The following DCAF17 variants were observed in gnomAD, a reference collection of about 807,000 sequenced individuals.
DCAF17 encodes the protein DDB1- and CUL4-associated factor 17.
DCAF17 carries 48 observed loss-of-function variants against 66.0 expected under a neutral mutation model. The ratio of observed to expected loss-of-function variants is 0.73; its 90% CI spans 0.58 to 0.92. The LOEUF is 0.92. Among genes scored for constraint, DCAF17 ranks in the 40% least tolerant of loss-of-function variants. The probability of loss-of-function intolerance (pLI) is 0.00; values close to 1 mark genes in which losing one functional copy is unlikely to be tolerated. For missense variants in DCAF17, 562 were observed against 622.8 expected (o/e 0.90, Z 1.04); for synonymous variants, 206 against 214.6 (o/e 0.96, Z 0.35).
chr2:171,444,241 G>A (rs60601337), intron 3 of DCAF17, among the ~76,000 whole-genome samples: 1,985 of 152,056 alleles, frequency 0.013, 53 homozygotes, highest in African/African-American at 0.046. Context: ...ATACTAATAG[G>A]TATGATGATT....
rs1230873490 is a variant in DCAF17 at position 171,481,926 on chromosome 2, T to C, written c.*812T>C. On this transcript the variant is annotated 3_prime_UTR_variant, in exon 14 of 14. Transcript: ENST00000375255. ...CTTGTTTAGGCAATATTTGCATACT[T>C]ATGCAATAAGATAAAGGTACCCTTG... 1 of 454,070 alleles carries C rather than the reference T, an allele frequency of 2.2e-6. No individual in the cohort carries two copies. Among genetic ancestry groups the C allele is most frequent in the South Asian group, 1.6e-5 (1 of 64,468 alleles). 28.1% of individuals were successfully genotyped at this position (454,070 alleles called of 1,614,324 possible).
At chr2:171,441,598 C>T (rs1316327882) in intron 2 of DCAF17, among the ~76,000 whole-genome samples, 1 of 152,152 alleles carries the variant, frequency 6.6e-6, no homozygotes, top group Non-Finnish European at 1.5e-5. Flanking sequence ...TCCCACCCCT[C>T]CTAGGAAGAT....
intron 5 of DCAF17, among the ~76,000 whole-genome samples, chr2:171,452,311 T>C (rs1453369086): frequency 6.6e-6 from 1 of 152,044 alleles, no homozygotes; most frequent in African/African-American, 2.4e-5. Flanking sequence ...TACAAGAGAT[T>C]GTTTTACATT....
Position 171,434,638 on chromosome 2 carries a change from T to G in DCAF17, c.61T>G (p.Phe21Val), listed in dbSNP as rs907053017. 6.5e-6 allele frequency: 10 copies of G among 1,534,094 alleles called. No individual in the cohort carries two copies. The African/African-American group carries it at 1.3e-4, about 19-fold the overall frequency. Residue 21 changes from phenylalanine (F) to valine (V), a missense_variant, in exon 1 of 14, where the codon TTC becomes GTC. Phe to Val is a conservative substitution (Grantham distance 50). This residue lies in a region of DCAF17 where 348 missense variants were observed against 355.9 expected (regional missense o/e 0.98). Transcript: ENST00000375255. ...SRLSRRALGC[F>V]SRDAGVVQRT... is the part of the protein sequence containing the mutation. ...GCTGAGTCGCCGGGCGCTGGGCTGC[T>G]TCTCGCGCGACGCAGGCGTGGTGCA... is the stretch of plus-strand genomic sequence containing the variant.
Position 171,472,146 on chromosome 2 carries a change from A to G in DCAF17, c.982-1720A>G, listed in dbSNP as rs1230577258. 1.1e-4 allele frequency among the ~76,000 whole-genome samples: 16 copies of G among 152,222 alleles called. No homozygotes were observed. The East Asian group carries it at 3.1e-3, about 29-fold the overall frequency. On this transcript the variant is annotated intron_variant, in intron 9 of 13. Coordinates refer to ENST00000375255, the MANE Select transcript of DCAF17 (RefSeq NM_025000.4). Reference sequence around the variant, plus strand: ...ACCTCCTACTCATGTTTATATGCATACTATATGGATTAGCACGTCTATACT... The same window carrying G: ...ACCTCCTACTCATGTTTATATGCATGCTATATGGATTAGCACGTCTATACT...
chr2:171,453,493 T>C (rs1367590490), intron 6 of DCAF17, among the ~76,000 whole-genome samples: 2 of 152,126 alleles, frequency 1.3e-5, no homozygotes, highest in African/African-American at 4.8e-5. Flanking sequence ...GTTTTTTTTT[T>C]CCAGAAGGAA....
intron 9 of DCAF17, chr2:171,473,004 T>G (rs1017044426): frequency 5.1e-6 from 1 of 196,712 alleles, no homozygotes; most frequent in Non-Finnish European, 1.2e-5. Context: ...GGTTTTTTTC[T>G]TTATTTTAAT....
rs34238683 is a variant in DCAF17 at position 171,467,727 on chromosome 2, CAAAAAAAAAAAAA to C, written c.839-1146_839-1134del. On this transcript the variant is annotated intron_variant, in intron 8 of 13. Transcript: ENST00000375255. ...CCTAGGTGACAGAGCGAGACTGTCT[CAAAAAAAAAAAAA>C]AAAAAAAAAAAAAAGTTGTACGTGG... Among the ~76,000 whole-genome samples the C allele has an allele frequency of 4.4e-5, 3 of 68,740 alleles. No individual in the cohort carries two copies. The East Asian group carries it at 1.6e-3, about 37-fold the overall frequency. The allele number at this position is 68,740 out of a possible 152,430, so 45.1% of individuals were successfully genotyped here. A position where few individuals can be genotyped will look rare whatever the true frequency, so the allele number is the denominator to read the frequency against.
intron 3 of DCAF17, among the ~76,000 whole-genome samples, chr2:171,447,080 G>C (rs1472079966): frequency 2.0e-5 from 3 of 151,412 alleles, no homozygotes; most frequent in East Asian, 3.9e-4. Context: ...GTTTGTTTTG[G>C]GTATATGTCA....
intron 8 of DCAF17, among the ~76,000 whole-genome samples, chr2:171,462,362 A>G (rs1695635655): frequency 6.6e-6 from 1 of 152,216 alleles, no homozygotes; most frequent in Non-Finnish European, 1.5e-5. Context: ...GAAGGGTTCT[A>G]TAGATCAATA....
intron 3 of DCAF17, among the ~76,000 whole-genome samples, chr2:171,445,420 C>T (rs1056886077): frequency 7.2e-5 from 11 of 151,962 alleles, no homozygotes; most frequent in African/African-American, 2.4e-4. Flanking sequence ...CCACCATGCC[C>T]GGTCCGTATT....
intron 1 of DCAF17, 179 bp from the exon 2 acceptor site, chr2:171,434,904 C>T (rs1693746587): frequency 9.7e-7 from 1 of 1,033,090 alleles, no homozygotes; most frequent in Non-Finnish European, 1.4e-6. Flanking sequence ...TATGTCTTAC[C>T]TGGAAACAAT....
At chr2:171,439,511 CTTTTT>C (rs374646610) in intron 2 of DCAF17, among the ~76,000 whole-genome samples, 2 of 94,768 alleles carry the variant, frequency 2.1e-5, no homozygotes, top group East Asian at 3.6e-4. Flanking sequence ...CTTTTTTTTC[CTTTTT>C]TTTTTTTTTT....
chr2:171,481,351 TG>T lies in DCAF17; in HGVS notation c.*238del. 1 of 591,694 alleles carries T rather than the reference TG, an allele frequency of 1.7e-6. No individual in the cohort carries two copies. Among genetic ancestry groups the T allele is most frequent in the South Asian group, 1.5e-5 (1 of 65,792 alleles). 36.7% of individuals were successfully genotyped at this position (591,694 alleles called of 1,614,324 possible). A position where few individuals can be genotyped will look rare whatever the true frequency, so the allele number is the denominator to read the frequency against. ...CAAGAAGTTTAGTGTTTTGCAGCTT[TG>T]AGCTAGGTGGTAATGCAAATATAAA... On this transcript the variant is annotated 3_prime_UTR_variant, in exon 14 of 14. Coordinates refer to ENST00000375255, the MANE Select transcript of DCAF17 (RefSeq NM_025000.4).
chr2:171,435,003 A>G, intron 1 of DCAF17, 80 bp from the exon 2 acceptor site: 1 of 1,223,350 alleles, frequency 8.2e-7, no homozygotes, highest in Non-Finnish European at 1.2e-6. Flanking sequence ...TATAGGTGAC[A>G]TTATGTTGCT....
intron 12 of DCAF17, 135 bp downstream of exon 12, chr2:171,478,205 G>A (rs1482541468): frequency 2.7e-5 from 20 of 743,766 alleles, no homozygotes; most frequent in South Asian, 1.6e-4. Context: ...GTGGGGTTGC[G>A]CATGCTATTT....
In DCAF17 at chr2:171,483,973, A is replaced by G. The variant is rs1198654506; in HGVS notation, c.*2859A>G. 1 of 453,968 alleles carries G rather than the reference A, an allele frequency of 2.2e-6. No homozygotes were observed. The highest frequency in any genetic ancestry group is 4.4e-6 in the Non-Finnish European group (1 of 226,790). 28.1% of individuals were successfully genotyped at this position (453,968 alleles called of 1,614,324 possible). A position where few individuals can be genotyped will look rare whatever the true frequency, so the allele number is the denominator to read the frequency against. The stretch of plus-strand genomic sequence containing the variant: ...CATACCAACAACTATAATACTAGAT[A>G]TGTAGGAAAGTGCTTAATAATCGTT... On this transcript the variant is annotated 3_prime_UTR_variant, in exon 14 of 14. Transcript: ENST00000375255.
chr2:171,470,293 CT>C (rs1156406696), intron 9 of DCAF17, among the ~76,000 whole-genome samples: 10 of 148,680 alleles, frequency 6.7e-5, no homozygotes, highest in African/African-American at 9.9e-5. Flanking sequence ...GAAGAATTTG[CT>C]TTTTTTTTTG....
chr2:171,466,651 G>A (rs1378942692), intron 8 of DCAF17, among the ~76,000 whole-genome samples: 1 of 151,438 alleles, frequency 6.6e-6, no homozygotes. Flanking sequence ...TGTGGGCAGA[G>A]TAATAGTGCT....
Sources: gnomAD v4.1 joint callset for allele counts (sites outside exome capture counted in the v4.1 genomes callset) on GRCh38, gnomAD v4.1.1 for gene constraint, gnomAD v4.1.1 regional missense constraint, MANE v1.5 for transcripts, NCBI Gene and HGNC (gene_info 2026-07-23, HGNC 2026-07-21) for gene names.